ZDHHC17: variants seen among roughly 807,000 people sequenced by gnomAD.
The protein encoded by ZDHHC17 is zDHHC palmitoyltransferase 17, also known as palmitoyltransferase ZDHHC17.
ZDHHC17 carries 40 observed loss-of-function variants against 90.3 expected under a neutral mutation model. The ratio of observed to expected loss-of-function variants is 0.44; its 90% CI spans 0.34 to 0.58. The LOEUF (loss-of-function observed/expected upper bound fraction) is 0.58. ZDHHC17 is among the 20% of genes least tolerant of loss of function. The probability of loss-of-function intolerance (pLI) is 0.01; values close to 1 mark genes in which losing one functional copy is unlikely to be tolerated. For synonymous variants in ZDHHC17, 235 were observed against 252.4 expected (o/e 0.93, Z 0.65); for missense variants, 614 against 780.8 (o/e 0.79, Z 2.55).
chr12:76,772,348 A>G (rs1055090340), intron 1 of ZDHHC17, among the ~76,000 whole-genome samples: 4 of 152,156 alleles, frequency 2.6e-5, no homozygotes, highest in Admixed American at 2.6e-4. Flanking sequence ...AGCAGAAAGT[A>G]CGAAGAGTTC....
At chr12:76,787,862 C>T (rs570860697) in intron 1 of ZDHHC17, among the ~76,000 whole-genome samples, 31 of 152,192 alleles carry the variant, frequency 2.0e-4, no homozygotes, top group Admixed American at 8.5e-4. Context: ...CTAAACAACT[C>T]TCAGAATCAT....
At chr12:76,834,841 C>T (rs1342703722) in intron 10 of ZDHHC17, among the ~76,000 whole-genome samples, 1 of 152,112 alleles carries the variant, frequency 6.6e-6, no homozygotes, top group Non-Finnish European at 1.5e-5. Context: ...TGATGTTCAT[C>T]ATGTTTCCTA....
chr12:76,788,997 A>C (rs1200519965), intron 1 of ZDHHC17, among the ~76,000 whole-genome samples: 7 of 152,002 alleles, frequency 4.6e-5, no homozygotes, highest in Non-Finnish European at 1.0e-4. Flanking sequence ...GTGCCCAGCA[A>C]GTCTTTCTTA....
intron 5 of ZDHHC17, among the ~76,000 whole-genome samples, chr12:76,814,132 G>T (rs1953056781): frequency 6.6e-6 from 1 of 151,990 alleles, no homozygotes; most frequent in Non-Finnish European, 1.5e-5. Flanking sequence ...AATGGAGTGG[G>T]TTAGGAAAGG....
chr12:76,834,024 A>G (rs1424973877), intron 10 of ZDHHC17, among the ~76,000 whole-genome samples: 1 of 152,162 alleles, frequency 6.6e-6, no homozygotes, highest in East Asian at 1.9e-4. Context: ...TCCTGCCTTA[A>G]TGATATGGGC....
intron 1 of ZDHHC17, among the ~76,000 whole-genome samples, chr12:76,781,914 G>T (rs1404656644): frequency 6.6e-6 from 1 of 152,190 alleles, no homozygotes; most frequent in African/African-American, 2.4e-5. Context: ...ACTGTATGAT[G>T]TATTTGTATA....
intron 10 of ZDHHC17, among the ~76,000 whole-genome samples, chr12:76,831,905 C>G (rs2137791128): frequency 6.6e-6 from 1 of 152,296 alleles, no homozygotes; most frequent in African/African-American, 2.4e-5. Context: ...CTCAGCCTCC[C>G]AAAGTGCTGG....
intron 10 of ZDHHC17, among the ~76,000 whole-genome samples, chr12:76,832,664 A>G (rs1313288253): frequency 6.6e-6 from 1 of 152,220 alleles, no homozygotes; most frequent in Non-Finnish European, 1.5e-5. Context: ...AAGCTTATCT[A>G]ACACATGTAT....
At chr12:76,845,688 C>T (rs762127867) in intron 12 of ZDHHC17, 21 bp from the exon 13 acceptor site, 7 of 1,411,102 alleles carry the variant, frequency 5.0e-6, no homozygotes, top group Admixed American at 3.6e-5. Context: ...TTTCATAATC[C>T]TTTAACATGC....
At position 76,853,069 on chromosome 12, in the gene ZDHHC17, C is replaced by A. The variant is rs898077267; in HGVS notation, c.*2084C>A. On this transcript the variant is annotated 3_prime_UTR_variant, in exon 17 of 17. Coordinates refer to ENST00000426126, the MANE Select transcript of ZDHHC17 (RefSeq NM_015336.4). ...CAGAGTTTGGCTAAGAATGTTGTTA[C>A]CATCTTCTTTGTTTGTGGTACAATA... The A allele has an allele frequency of 2.0e-5, 3 of 152,104 alleles. No individual in the cohort carries two copies. Among genetic ancestry groups the A allele is most frequent in the Non-Finnish European group, 2.9e-5 (2 of 68,004 alleles). 9.4% of individuals were successfully genotyped at this position (152,104 alleles called of 1,614,324 possible).
At chr12:76,800,551 TATA>T (rs780237622) in intron 2 of ZDHHC17, among the ~76,000 whole-genome samples, 1 of 152,254 alleles carries the variant, frequency 6.6e-6, no homozygotes, top group Non-Finnish European at 1.5e-5. Flanking sequence ...GCTTTTAATT[TATA>T]ATTGTTGTAT....
chr12:76,774,333 T>TACACAC (rs146148501), intron 1 of ZDHHC17, among the ~76,000 whole-genome samples: 18 of 149,174 alleles, frequency 1.2e-4, no homozygotes, highest in Middle Eastern at 3.4e-3. Context: ...TATATATACA[T>TACACAC]ACACACACAC....
intron 16 of ZDHHC17, among the ~76,000 whole-genome samples, chr12:76,849,945 G>A (rs1185752031): frequency 6.6e-6 from 1 of 151,842 alleles, no homozygotes; most frequent in Non-Finnish European, 1.5e-5. Context: ...TTTTTAGACA[G>A]AGTCTTGCTC....
intron 8 of ZDHHC17, 22 bp from the exon 9 acceptor site, chr12:76,826,886 C>G (rs4761449): frequency 1.3e-6 from 2 of 1,498,934 alleles, no homozygotes; most frequent in South Asian, 2.8e-5. Flanking sequence ...AAAAACTTTT[C>G]TAATTTTTTG....
intron 10 of ZDHHC17, among the ~76,000 whole-genome samples, chr12:76,839,710 G>A (rs1445043462): frequency 1.3e-5 from 2 of 152,140 alleles, no homozygotes; most frequent in Admixed American, 1.3e-4. Context: ...AAGCAAAAAT[G>A]TAAATTAAAA....
intron 1 of ZDHHC17, among the ~76,000 whole-genome samples, chr12:76,796,162 C>G (rs760842468): frequency 1.2e-4 from 19 of 152,078 alleles, no homozygotes; most frequent in Admixed American, 9.2e-4. Context: ...ATACTCTCAA[C>G]TTGGTATGAT....
At chr12:76,791,809 T>C (rs1952763018) in intron 1 of ZDHHC17, among the ~76,000 whole-genome samples, 1 of 152,122 alleles carries the variant, frequency 6.6e-6, no homozygotes, top group African/African-American at 2.4e-5. Context: ...CATGACTCCC[T>C]CCTCAGATTT....
rs187459149 is a variant in ZDHHC17, at chr12:76,837,576, C to T, written c.1142-4406C>T. 4.6e-5 allele frequency among the ~76,000 whole-genome samples: 7 copies of T among 152,272 alleles called. No individual in the cohort carries two copies. The East Asian group carries it at 1.3e-3, about 29-fold the overall frequency. ...CCAGTATGTTTCAGAGGATGTTAAT[C>T]ATTGTCCCTCAGATTTTCTTAATAT... On this transcript the variant is annotated intron_variant, in intron 10 of 16. Coordinates refer to ENST00000426126, the MANE Select transcript of ZDHHC17 (RefSeq NM_015336.4).
intron 1 of ZDHHC17, among the ~76,000 whole-genome samples, chr12:76,791,125 GGT>G (rs1952754977): frequency 6.6e-6 from 1 of 152,092 alleles, no homozygotes; most frequent in Non-Finnish European, 1.5e-5. Context: ...GAGAAAACAT[GGT>G]GTTTCAGGTA....
Sources: gnomAD v4.1 joint callset for allele counts (sites outside exome capture counted in the v4.1 genomes callset) on GRCh38, gnomAD v4.1.1 for gene constraint, MANE v1.5 for transcripts, NCBI Gene and HGNC (gene_info 2026-07-23, HGNC 2026-07-21) for gene names.